MANBA: variants seen among roughly 807,000 people sequenced by gnomAD.
MANBA encodes the protein beta-mannosidase.
In MANBA, 83 loss-of-function variants were observed where a neutral mutation model predicts 111.1. The observed-to-expected ratio is 0.75, with a 90% confidence interval of 0.63 to 0.90. The LOEUF is 0.90. Ranked by LOEUF, MANBA falls within the 40% of genes least tolerant of loss-of-function variation. MANBA has a pLI of 0.00. For missense variants in MANBA, 1,036 were observed against 1,069.0 expected (o/e 0.97, Z 0.43); for synonymous variants, 370 against 378.7 (o/e 0.98, Z 0.27).
chr4:102,735,518 T>A (rs878885479), intron 1 of MANBA, among the ~76,000 whole-genome samples: 580 of 64,686 alleles, frequency 9.0e-3, no homozygotes, highest in Middle Eastern at 0.04. Context: ...TAAGAGAAAA[T>A]ACCAAAAAAA....
Position 102,673,941 on chromosome 4 carries a change from G to C in MANBA, c.1090C>G (p.Gln364Glu). 2 of 1,611,378 alleles carry C rather than the reference G, an allele frequency of 1.2e-6. No homozygotes were observed. The highest frequency in any genetic ancestry group is 1.7e-6 in the Non-Finnish European group (2 of 1,177,572). ...GSNWIPADSF[Q>E]DRVTSELLRL... is the part of the protein sequence containing the mutation. ...TACAACTCAGAGGTTACTCGGTCCTGGAATGAATCTGCTGGGATCCAGTTT... is the reference window on the plus strand; with the variant it reads ...TACAACTCAGAGGTTACTCGGTCCTCGAATGAATCTGCTGGGATCCAGTTT... The change falls in exon 8 of 17, where the codon CAG (glutamine) becomes GAG (glutamate). Residue 364 changes from glutamine to glutamate, a missense_variant. Gln to Glu is a conservative substitution (Grantham distance 29). Transcript: ENST00000647097.
intron 4 of MANBA, among the ~76,000 whole-genome samples, chr4:102,718,237 T>A (rs1722418601): frequency 6.6e-6 from 1 of 152,164 alleles, no homozygotes; most frequent in Non-Finnish European, 1.5e-5. Flanking sequence ...AGGACTTAAA[T>A]CACAAGTGCG....
intron 1 of MANBA, among the ~76,000 whole-genome samples, chr4:102,732,575 G>T (rs1459357535): frequency 6.6e-6 from 1 of 152,246 alleles, no homozygotes; most frequent in Non-Finnish European, 1.5e-5. Context: ...ATCCAAACTG[G>T]AAGAAATATT....
intron 7 of MANBA, among the ~76,000 whole-genome samples, chr4:102,683,902 T>G (rs573912883): frequency 1.3e-5 from 2 of 152,314 alleles, no homozygotes; most frequent in South Asian, 4.1e-4. Flanking sequence ...TGCCCCAATG[T>G]CACTCAACAT....
At chr4:102,755,775 A>G (rs1255754254) in intron 1 of MANBA, among the ~76,000 whole-genome samples, 1 of 152,242 alleles carries the variant, frequency 6.6e-6, no homozygotes, top group Non-Finnish European at 1.5e-5. Context: ...ACAAATTTAC[A>G]AGAAAAAATC....
At chr4:102,694,545 T>G (rs555909539) in intron 5 of MANBA, among the ~76,000 whole-genome samples, 2 of 152,238 alleles carry the variant, frequency 1.3e-5, no homozygotes, top group Admixed American at 1.3e-4. Context: ...TCTCCTAGCA[T>G]TAATAAGTCA....
intron 4 of MANBA, among the ~76,000 whole-genome samples, chr4:102,720,982 G>A (rs528437119): frequency 2.6e-5 from 4 of 152,288 alleles, no homozygotes; most frequent in East Asian, 3.9e-4. Context: ...TACCTAAAGA[G>A]TATTGGGAAA....
chr4:102,729,675 C>T (rs760220950), intron 1 of MANBA: 164 of 1,543,514 alleles, frequency 1.1e-4, no homozygotes, highest in Admixed American at 4.2e-4. Flanking sequence ...GGGCATGTTG[C>T]CAAGCTCCGC....
chr4:102,690,542 T>G lies in MANBA; in HGVS notation c.849+54A>C, dbSNP rs1578905767. 2.0e-6 allele frequency: 3 copies of G among 1,528,772 alleles called. No homozygotes were observed. The East Asian group carries it at 6.8e-5, about 35-fold the overall frequency. 94.7% of individuals were successfully genotyped at this position (1,528,772 alleles called of 1,614,324 possible). On this transcript the variant is annotated intron_variant, in intron 6 of 16. Coordinates refer to ENST00000647097, the MANE Select transcript of MANBA (RefSeq NM_005908.4). ...TAGTCCCTCCTTTCTAATCATTTCT[T>G]TAGCACAGGTATTGCTTTTCATCCA... is the stretch of plus-strand genomic sequence containing the variant.
chr4:102,753,052 T>C (rs935554908), intron 1 of MANBA, among the ~76,000 whole-genome samples: 2 of 152,196 alleles, frequency 1.3e-5, no homozygotes, highest in South Asian at 2.1e-4. Context: ...TATATACTTA[T>C]AATTTTTATT....
At chr4:102,744,208 A>C (rs1266362335) in intron 1 of MANBA, among the ~76,000 whole-genome samples, 1 of 152,214 alleles carries the variant, frequency 6.6e-6, no homozygotes, top group African/African-American at 2.4e-5. Context: ...CAAATGCAGC[A>C]ACTTATCCTT....
chr4:102,714,518 G>A lies in MANBA; in HGVS notation c.593C>T (p.Thr198Ile). 1.2e-6 allele frequency: 2 copies of A among 1,606,926 alleles called. No homozygotes were observed. The highest frequency in any genetic ancestry group is 1.7e-4 in the Middle Eastern group (1 of 6,052). The change falls in exon 5 of 17, where the codon ACC becomes ATC. Residue 198 changes from threonine to isoleucine, a missense_variant. By Grantham distance (89) the Thr-to-Ile change is moderately conservative. Transcript: ENST00000647097. Reference sequence around the variant, plus strand: ...TCTAACATCTTTCCAGATTCCCTGGGTAGGAAAGGAAGGCCCCCAGTCCCA... The same window carrying A: ...TCTAACATCTTTCCAGATTCCCTGGATAGGAAAGGAAGGCCCCCAGTCCCA... ...FSWDWGPSFP[T>I]QGIWKDVRIE... is the part of the protein sequence containing the mutation.
At chr4:102,660,005 T>A (rs1468017224) in intron 11 of MANBA, among the ~76,000 whole-genome samples, 1 of 152,170 alleles carries the variant, frequency 6.6e-6, no homozygotes, top group Non-Finnish European at 1.5e-5. Flanking sequence ...ATGGATGTTC[T>A]GATTACTCCT....
Position 102,648,351 on chromosome 4 carries a change from G to A in MANBA, c.1869+2186C>T, listed in dbSNP as rs191003263. On this transcript the variant is annotated intron_variant, in intron 13 of 16. Coordinates refer to ENST00000647097, the MANE Select transcript of MANBA (RefSeq NM_005908.4). ...ATGTCCAGCAACAGATGAACCTGAC[G>A]AATGGATAAGCAAAATGTGTATAAC... 3.0e-4 allele frequency among the ~76,000 whole-genome samples: 46 copies of A among 152,102 alleles called. No individual in the cohort carries two copies. The East Asian group carries it at 8.3e-3, about 27-fold the overall frequency.
intron 14 of MANBA, among the ~76,000 whole-genome samples, chr4:102,636,685 C>G (rs1006423736): frequency 2.8e-4 from 43 of 152,324 alleles, no homozygotes; most frequent in Non-Finnish European, 6.0e-4. Context: ...AAACTTGTCA[C>G]AGCTTCTCCC....
intron 4 of MANBA, 59 bp from the exon 5 acceptor site, chr4:102,714,620 T>C (rs1722244129): frequency 6.6e-7 from 1 of 1,519,372 alleles, no homozygotes; most frequent in South Asian, 1.1e-5. Context: ...TTAAACATTA[T>C]GAAAAACATT....
chr4:102,695,917 G>T (rs1732686438), intron 5 of MANBA, among the ~76,000 whole-genome samples: 1 of 152,072 alleles, frequency 6.6e-6, no homozygotes, highest in Non-Finnish European at 1.5e-5. Context: ...AGCCTAAGAG[G>T]GTCTCTGTAA....
At chr4:102,635,827 G>T in intron 15 of MANBA, 38 bp downstream of exon 15, 4 of 1,582,162 alleles carry the variant, frequency 2.5e-6, no homozygotes, top group South Asian at 2.2e-5. Flanking sequence ...TCATCTAAAA[G>T]TCTCCTTCGA....
rs111472915 is a variant in MANBA, at chr4:102,745,814, C to T, written c.177+14904G>A. Reference sequence around the variant, plus strand: ...ACACCCTTAATATCCATTCCTATGACTCTTCTCCAGATTTCTGCTTATATA... The same window carrying T: ...ACACCCTTAATATCCATTCCTATGATTCTTCTCCAGATTTCTGCTTATATA... On this transcript the variant is annotated intron_variant, in intron 1 of 16. Transcript: ENST00000647097. 2.6e-3 allele frequency among the ~76,000 whole-genome samples: 390 copies of T among 152,320 alleles called. 1 individual carries two copies. Among genetic ancestry groups the T allele is most frequent in the African/African-American group, 7.8e-3 (323 of 41,574 alleles).
Sources: gnomAD v4.1 joint callset for allele counts (sites outside exome capture counted in the v4.1 genomes callset) on GRCh38, gnomAD v4.1.1 for gene constraint, MANE v1.5 for transcripts, NCBI Gene and HGNC (gene_info 2026-07-23, HGNC 2026-07-21) for gene names.